GAD2: variants seen among roughly 807,000 people sequenced by gnomAD.
GAD2 encodes glutamate decarboxylase 2, also known as 65 kDa glutamic acid decarboxylase.
Under a neutral mutation model 80.1 loss-of-function variants are expected in GAD2, and 22 were observed. The ratio of observed to expected loss-of-function variants is 0.27; its 90% CI spans 0.20 to 0.39. The LOEUF is 0.39. GAD2 is among the 10% of genes least tolerant of loss of function. The pLI is 1.00. For missense variants in GAD2, 624 were observed against 738.4 expected, an observed-to-expected ratio of 0.85 and a Z score of 1.80; for synonymous variants, 274 against 256.9, an observed-to-expected ratio of 1.07 and a Z score of -0.64.
chr10:26,246,130 C>G, intron 8 of GAD2, 130 bp downstream of exon 8: 3 of 667,924 alleles, frequency 4.5e-6, no homozygotes, highest in South Asian at 3.9e-5. Flanking sequence ...CTGCAGCCTT[C>G]GTTTCTTTTT....
intron 15 of GAD2, among the ~76,000 whole-genome samples, chr10:26,295,846 A>G (rs951803025): frequency 2.0e-5 from 3 of 152,180 alleles, no homozygotes; most frequent in Non-Finnish European, 4.4e-5. Flanking sequence ...ATGTGAACCA[A>G]AAGAACAAAG....
chr10:26,254,069 A>T (rs184846981), intron 8 of GAD2, among the ~76,000 whole-genome samples: 1 of 151,970 alleles, frequency 6.6e-6, no homozygotes, highest in Non-Finnish European at 1.5e-5. Flanking sequence ...ACGGAGTCTC[A>T]CTCTGTCGCC....
At chr10:26,279,077 C>T (rs1464614066) in intron 11 of GAD2, among the ~76,000 whole-genome samples, 1 of 152,000 alleles carries the variant, frequency 6.6e-6, no homozygotes, top group Non-Finnish European at 1.5e-5. Flanking sequence ...CATGAAACTC[C>T]ACTGCCAGGA....
At chr10:26,231,666 A>G (rs1387457420) in intron 7 of GAD2, among the ~76,000 whole-genome samples, 2 of 152,194 alleles carry the variant, frequency 1.3e-5, no homozygotes, top group African/African-American at 4.8e-5. Flanking sequence ...TTACAACAAT[A>G]TGAATGTATT....
intron 8 of GAD2, among the ~76,000 whole-genome samples, chr10:26,253,134 T>A (rs1218499086): frequency 6.6e-6 from 1 of 152,214 alleles, no homozygotes; most frequent in Non-Finnish European, 1.5e-5. Flanking sequence ...ACTTAAAAAA[T>A]GGAATAAGAT....
chr10:26,270,326 A>G lies in GAD2; in HGVS notation c.976-314A>G, dbSNP rs909878460. On this transcript the variant is annotated intron_variant, in intron 9 of 15. Transcript: ENST00000376261. ...GTGAGCAAAGGGGGTTAAAAGGGCCAGAAAGTCTACCGGGAATATATACAT... is the reference window on the plus strand; with the variant it reads ...GTGAGCAAAGGGGGTTAAAAGGGCCGGAAAGTCTACCGGGAATATATACAT... Among the ~76,000 whole-genome samples the G allele has an allele frequency of 7.2e-5, 11 of 152,248 alleles. No homozygotes were observed. The East Asian group carries it at 1.7e-3, about 24-fold the overall frequency.
intron 15 of GAD2, among the ~76,000 whole-genome samples, chr10:26,293,455 G>C (rs1390986748): frequency 6.6e-6 from 1 of 152,126 alleles, no homozygotes; most frequent in Non-Finnish European, 1.5e-5. Context: ...TGAGATTACA[G>C]GCATGAGCCA....
intron 11 of GAD2, 116 bp from the exon 12 acceptor site, chr10:26,280,893 C>G: frequency 1.5e-6 from 1 of 656,822 alleles, no homozygotes; most frequent in East Asian, 2.7e-5. Flanking sequence ...TAAATAAATA[C>G]ATTTAGTGTC....
chr10:26,264,091 A>G (rs910054771), intron 8 of GAD2, among the ~76,000 whole-genome samples: 8 of 152,204 alleles, frequency 5.3e-5, no homozygotes, highest in African/African-American at 1.9e-4. Context: ...CAATGTAACA[A>G]TGTTAGACTG....
In GAD2 at chr10:26,229,725, A is replaced by C; in HGVS notation, c.788A>C (p.Lys263Thr). The change falls in exon 7 of 16, where the codon AAG becomes ACG. Residue 263 changes from lysine to threonine, a missense_variant. Transcript: ENST00000376261. ...IARFKMFPEV[K>T]EKGMAALPRL... Reference sequence around the variant, plus strand: ...CGCTTTAAGATGTTCCCAGAAGTCAAGGAGAAAGGAATGGCTGCTCTTCCC... The same window carrying C: ...CGCTTTAAGATGTTCCCAGAAGTCACGGAGAAAGGAATGGCTGCTCTTCCC... 1 of 1,614,194 alleles carries C rather than the reference A, an allele frequency of 6.2e-7. No individual in the cohort carries two copies. The highest frequency in any genetic ancestry group is 1.3e-5 in the African/African-American group (1 of 75,052).
chr10:26,300,437 AT>A (rs1049476783), intron 15 of GAD2, among the ~76,000 whole-genome samples: 2 of 152,054 alleles, frequency 1.3e-5, no homozygotes, highest in African/African-American at 2.4e-5. Flanking sequence ...ATGTTTTTAC[AT>A]TTACTGTGGG....
intron 6 of GAD2, among the ~76,000 whole-genome samples, chr10:26,228,836 A>G (rs369006608): frequency 1.8e-4 from 27 of 152,160 alleles, no homozygotes; most frequent in African/African-American, 6.0e-4. Context: ...ATGTGGAAAA[A>G]TTGTCTTCCA....
At position 26,285,448 on chromosome 10, in the gene GAD2, A is replaced by G. The variant is rs8190765; in HGVS notation, c.1237-897A>G. 5.1e-3 allele frequency among the ~76,000 whole-genome samples: 777 copies of G among 152,350 alleles called. 9 individuals carry two copies. Among genetic ancestry groups the G allele is most frequent in the African/African-American group, 0.018 (737 of 41,594 alleles). On this transcript the variant is annotated intron_variant, in intron 12 of 15. Transcript: ENST00000376261. ...AATCACAATTAGACAGAAGAGAACA[A>G]AATAGTCAAAGGCTTCCAGTGTTTC...
At chr10:26,263,431 T>C (rs762647349) in intron 8 of GAD2, among the ~76,000 whole-genome samples, 6 of 152,204 alleles carry the variant, frequency 3.9e-5, no homozygotes, top group Non-Finnish European at 7.3e-5. Flanking sequence ...TGTTAGTTTA[T>C]TTATCTTAGG....
chr10:26,291,665 T>C (rs1336948799), intron 13 of GAD2, among the ~76,000 whole-genome samples: 3 of 152,154 alleles, frequency 2.0e-5, no homozygotes, highest in Non-Finnish European at 4.4e-5. Flanking sequence ...GCACTGGCTT[T>C]TACTCTTAAG....
chr10:26,240,731 CAA>C (rs35729928), intron 7 of GAD2, among the ~76,000 whole-genome samples: 14 of 123,296 alleles, frequency 1.1e-4, no homozygotes, highest in East Asian at 2.4e-4. Context: ...GACTCCATCA[CAA>C]AAAAAAAAAA....
At chr10:26,298,864 T>C (rs1005644595) in intron 15 of GAD2, among the ~76,000 whole-genome samples, 11 of 152,352 alleles carry the variant, frequency 7.2e-5, no homozygotes, top group Middle Eastern at 3.4e-3. Context: ...GGCTGGAATA[T>C]GCTAGTAGAT....
intron 6 of GAD2, 57 bp downstream of exon 6, chr10:26,224,708 G>A (rs1483605593): frequency 5.6e-6 from 7 of 1,240,124 alleles, no homozygotes; most frequent in Non-Finnish European, 8.3e-6. Flanking sequence ...ATGCCTTGTT[G>A]TAAACCTAGG....
chr10:26,245,634 G>T (rs1030238511), intron 7 of GAD2, among the ~76,000 whole-genome samples: 1 of 151,936 alleles, frequency 6.6e-6, no homozygotes, highest in African/African-American at 2.4e-5. Context: ...AATAGAGACT[G>T]GGTTTGACTA....
Sources: allele counts gnomAD v4.1 joint callset (sites outside exome capture counted in the v4.1 genomes callset), GRCh38; gene constraint gnomAD v4.1.1; transcripts MANE v1.5; gene names NCBI Gene and HGNC (gene_info 2026-07-23, HGNC 2026-07-21).